The following NLGN1 variants were observed in gnomAD, a reference collection of about 807,000 sequenced individuals.
NLGN1 encodes neuroligin 1.
NLGN1 carries 12 observed loss-of-function variants against 65.5 expected under a neutral mutation model. The observed-to-expected ratio is 0.18, with a 90% CI of 0.12 to 0.30. The LOEUF is 0.30. Among genes scored for constraint, NLGN1 ranks in the 10% least tolerant of loss-of-function variants. The pLI, the probability that NLGN1 is intolerant of heterozygous loss-of-function variation, is 1.00. For missense variants in NLGN1, 750 were observed against 1,007.1 expected, an observed-to-expected ratio of 0.74 and a Z score of 3.46; for synonymous variants, 350 against 359.5, an observed-to-expected ratio of 0.97 and a Z score of 0.30.
chr3:173,508,462 T>C (rs1317613703), intron 2 of NLGN1, among the ~76,000 whole-genome samples: 1 of 152,166 alleles, frequency 6.6e-6, no homozygotes, highest in Non-Finnish European at 1.5e-5. Context: ...CAGGGAGGCT[T>C]TCCTGTGTAA....
chr3:173,600,592 C>CTTTTTTTTTTTCTTTTTTT (rs150984290), intron 2 of NLGN1, among the ~76,000 whole-genome samples: 1 of 103,478 alleles, frequency 9.7e-6, no homozygotes, highest in African/African-American at 3.3e-5. Flanking sequence ...AAAAACATAT[C>CTTTTTTTTTTTCTTTTTTT]TTTTTTTTTA....
chr3:173,446,324 T>C (rs1266838833), intron 2 of NLGN1, among the ~76,000 whole-genome samples: 1 of 152,122 alleles, frequency 6.6e-6, no homozygotes, highest in African/African-American at 2.4e-5. Context: ...GTTTGGTTTT[T>C]TTGTCCTTGC....
At chr3:173,605,477 T>G in intron 3 of NLGN1, 57 bp from the exon 3 acceptor site, 1 of 920,488 alleles carries the variant, frequency 1.1e-6, no homozygotes, top group Non-Finnish European at 1.5e-6. Flanking sequence ...TGTTGCATGT[T>G]CCGGCGGTCT....
chr3:173,839,092 C>CTT (rs11376148), intron 4 of NLGN1, among the ~76,000 whole-genome samples: 2,186 of 135,972 alleles, frequency 0.016, 67 homozygotes, highest in African/African-American at 0.05. Flanking sequence ...AATTGGATGA[C>CTT]TTTTTTTTTT....
At chr3:174,239,070 T>A (rs1742310198) in intron 4 of NLGN1, among the ~76,000 whole-genome samples, 1 of 152,048 alleles carries the variant, frequency 6.6e-6, no homozygotes, top group African/African-American at 2.4e-5. Context: ...TTTCTTTCTT[T>A]TTTTTTATTT....
chr3:173,559,008 CAT>C (rs574095642), intron 2 of NLGN1, among the ~76,000 whole-genome samples: 10 of 152,220 alleles, frequency 6.6e-5, no homozygotes, highest in African/African-American at 2.4e-4. Context: ...ATATGGCACT[CAT>C]ATTTAATTAA....
rs115439334 is a variant in NLGN1 at position 173,894,297 on chromosome 3, G to A, written c.646+86465G>A. On this transcript the variant is annotated intron_variant, in intron 4 of 6. Transcript: ENST00000457714. Reference sequence around the variant, plus strand: ...ACCTAGGTCGAACCAATGAAGCACCGTGACTTACCAAGAGGTAAAAGGAAG... The same window carrying A: ...ACCTAGGTCGAACCAATGAAGCACCATGACTTACCAAGAGGTAAAAGGAAG... Among the ~76,000 whole-genome samples the A allele has an allele frequency of 4.4e-3, 673 of 152,238 alleles. 8 individuals carry two copies. Among genetic ancestry groups the A allele is most frequent in the African/African-American group, 0.015 (617 of 41,548 alleles).
At chr3:173,746,292 A>T (rs540572432) in intron 3 of NLGN1, among the ~76,000 whole-genome samples, 21 of 152,150 alleles carry the variant, frequency 1.4e-4, no homozygotes, top group Non-Finnish European at 2.8e-4. Context: ...AAAAAAAGTT[A>T]AAAAAATTTA....
intron 4 of NLGN1, among the ~76,000 whole-genome samples, chr3:174,270,188 T>A (rs997921143): frequency 4.8e-5 from 7 of 144,998 alleles, no homozygotes; most frequent in Non-Finnish European, 1.1e-4. Context: ...TTGTTTATTT[T>A]TTTTTTTTTC....
At chr3:173,981,362 C>A (rs553320193) in intron 4 of NLGN1, among the ~76,000 whole-genome samples, 2 of 152,234 alleles carry the variant, frequency 1.3e-5, no homozygotes, top group East Asian at 1.9e-4. Context: ...GGTTTCACAG[C>A]AGACATAAAA....
intron 3 of NLGN1, among the ~76,000 whole-genome samples, chr3:173,721,512 A>G (rs1249856497): frequency 6.6e-6 from 1 of 152,222 alleles, no homozygotes; most frequent in Non-Finnish European, 1.5e-5. Flanking sequence ...AAATGTAAAC[A>G]TACGATCATT....
At chr3:173,532,215 A>T (rs9824600) in intron 2 of NLGN1, among the ~76,000 whole-genome samples, 4,634 of 152,230 alleles carry the variant, frequency 0.03, 244 homozygotes, top group African/African-American at 0.11. Flanking sequence ...TTTGCTATAT[A>T]CATCTTTCAG....
At chr3:173,428,033 G>A (rs1402759762) in intron 1 of NLGN1, among the ~76,000 whole-genome samples, 1 of 151,728 alleles carries the variant, frequency 6.6e-6, no homozygotes, top group Non-Finnish European at 1.5e-5. Context: ...ATATGCTCCT[G>A]TTATATTGAC....
chr3:174,229,526 TTTAC>T (rs1401185859), intron 4 of NLGN1, among the ~76,000 whole-genome samples: 1 of 152,208 alleles, frequency 6.6e-6, no homozygotes, highest in Non-Finnish European at 1.5e-5. Context: ...TTAATTTGAC[TTTAC>T]TTAATTTCAT....
intron 4 of NLGN1, among the ~76,000 whole-genome samples, chr3:174,135,113 T>C (rs1720969950): frequency 6.6e-6 from 1 of 152,222 alleles, no homozygotes; most frequent in Non-Finnish European, 1.5e-5. Flanking sequence ...ACACTATTGT[T>C]TCTTAAGATT....
intron 1 of NLGN1, among the ~76,000 whole-genome samples, chr3:173,422,890 T>A (rs1009586067): frequency 2.0e-5 from 3 of 152,200 alleles, no homozygotes; most frequent in African/African-American, 7.2e-5. Context: ...ACTGCAAGTA[T>A]TTTTTCTGTA....
intron 4 of NLGN1, among the ~76,000 whole-genome samples, chr3:173,921,284 TTAA>T (rs1741969110): frequency 6.8e-6 from 1 of 147,758 alleles, no homozygotes; most frequent in Admixed American, 6.8e-5. Context: ...TATTATACAT[TTAA>T]TATATATTAT....
At chr3:173,643,701 T>A (rs1577699108) in intron 3 of NLGN1, among the ~76,000 whole-genome samples, 2 of 152,132 alleles carry the variant, frequency 1.3e-5, no homozygotes, top group African/African-American at 4.8e-5. Context: ...TAGTGACCTC[T>A]TTATGTTTGC....
intron 4 of NLGN1, among the ~76,000 whole-genome samples, chr3:174,078,570 G>T (rs901434423): frequency 2.6e-5 from 4 of 152,090 alleles, no homozygotes; most frequent in Admixed American, 2.6e-4. Flanking sequence ...TAATGGAAGG[G>T]TTTTACTCTT....
Sources: gnomAD v4.1 joint callset for allele counts (sites outside exome capture counted in the v4.1 genomes callset) on GRCh38, gnomAD v4.1.1 for gene constraint, MANE v1.5 for transcripts, NCBI Gene and HGNC (gene_info 2026-07-23, HGNC 2026-07-21) for gene names.